Variants in NSG2 observed in about 807,000 individuals in gnomAD.
NSG2 encodes neuronal vesicle trafficking-associated protein 2.
In NSG2, 4 loss-of-function variants were observed where a neutral mutation model predicts 16.9. The observed-to-expected ratio is 0.24, with a 90% CI of 0.12 to 0.54. The LOEUF (loss-of-function observed/expected upper bound fraction) is 0.54. Ranked by LOEUF, NSG2 falls within the 20% of genes least tolerant of loss-of-function variation. The probability of loss-of-function intolerance (pLI) is 0.95; values close to 1 mark genes in which losing one functional copy is unlikely to be tolerated. For synonymous variants in NSG2, 98 were observed against 88.7 expected (o/e 1.11, Z -0.59); for missense variants, 179 against 221.1 (o/e 0.81, Z 1.21).
chr5:174,096,671 C>T (rs545900829), intron 3 of NSG2, among the ~76,000 whole-genome samples: 140 of 152,042 alleles, frequency 9.2e-4, no homozygotes, highest in Admixed American at 1.9e-3. Flanking sequence ...GGCTGCTGCA[C>T]CCAGGGGAGA....
chr5:174,070,975 C>T (rs1581225045), intron 3 of NSG2, among the ~76,000 whole-genome samples: 1 of 152,214 alleles, frequency 6.6e-6, no homozygotes, highest in Admixed American at 6.5e-5. Context: ...ACACCCTGAT[C>T]CAGCATTCAG....
chr5:174,101,834 G>A (rs1301504309), intron 3 of NSG2, among the ~76,000 whole-genome samples: 2 of 152,078 alleles, frequency 1.3e-5, no homozygotes, highest in Non-Finnish European at 2.9e-5. Flanking sequence ...GTCTTGGGTG[G>A]CCTCCTTTCC....
At chr5:174,065,431 A>T (rs1475065450) in intron 3 of NSG2, among the ~76,000 whole-genome samples, 1 of 152,184 alleles carries the variant, frequency 6.6e-6, no homozygotes, top group Non-Finnish European at 1.5e-5. Flanking sequence ...AGTTCCAAGC[A>T]TTGAAGGCTG....
At chr5:174,051,315 C>G (rs1759885348) in intron 2 of NSG2, among the ~76,000 whole-genome samples, 1 of 152,106 alleles carries the variant, frequency 6.6e-6, no homozygotes, top group African/African-American at 2.4e-5. Flanking sequence ...AAACCCTGCC[C>G]TAGAGTCTTG....
At chr5:174,082,821 C>G (rs1760507567) in intron 3 of NSG2, among the ~76,000 whole-genome samples, 1 of 152,148 alleles carries the variant, frequency 6.6e-6, no homozygotes, top group African/African-American at 2.4e-5. Flanking sequence ...ATTTTTAGAG[C>G]CCTTGACTGG....
At chr5:174,076,896 T>C (rs781648824) in intron 3 of NSG2, among the ~76,000 whole-genome samples, 3 of 152,188 alleles carry the variant, frequency 2.0e-5, no homozygotes, top group Non-Finnish European at 4.4e-5. Flanking sequence ...AACCTTGCTC[T>C]AGGATTTACC....
intron 3 of NSG2, 49 bp downstream of exon 3, chr5:174,064,364 C>T (rs1182024138): frequency 3.8e-6 from 5 of 1,311,490 alleles, no homozygotes; most frequent in Admixed American, 1.8e-5. Flanking sequence ...AGGCTGGCTC[C>T]AGCCAGCTCA....
intron 3 of NSG2, among the ~76,000 whole-genome samples, chr5:174,085,307 G>C (rs1760589602): frequency 6.6e-6 from 1 of 152,156 alleles, no homozygotes; most frequent in Admixed American, 6.5e-5. Flanking sequence ...TCAGAGAGGT[G>C]GCGTCGTGTA....
intron 2 of NSG2, among the ~76,000 whole-genome samples, chr5:174,058,120 G>T (rs1311181832): frequency 6.6e-6 from 1 of 152,218 alleles, no homozygotes; most frequent in Non-Finnish European, 1.5e-5. Flanking sequence ...TAATGCTGCT[G>T]TTATCTTCTA....
Position 174,107,285 on chromosome 5 carries a change from A to T in NSG2, c.325-29A>T. The T allele has an allele frequency of 6.6e-7, 1 of 1,512,932 alleles. No homozygotes were observed. Among genetic ancestry groups the T allele is most frequent in the East Asian group, 2.3e-5 (1 of 43,172 alleles). The allele number at this position is 1,512,932 out of a possible 1,614,324, so 93.7% of individuals were successfully genotyped here. On this transcript the variant is annotated intron_variant, in intron 4 of 4. Transcript: ENST00000303177. This position sits in a 1 kb window ranked among gnomAD's most constrained non-coding sequence, Gnocchi z 4.5. ...CAGGTTGGGAGCAGTTTGCTGAATG[A>T]CCCCTGACTCTGTCTCTTTCTTCCC...
At chr5:174,080,525 T>TTCCCTCTTTCTTTCTTTCTC (rs1554101512) in intron 3 of NSG2, among the ~76,000 whole-genome samples, 16 of 125,238 alleles carry the variant, frequency 1.3e-4, no homozygotes, top group African/African-American at 5.1e-4. Flanking sequence ...CTTTCTTTCT[T>TTCCCTCTTTCTTTCTTTCTC]TCTCTCTCTC....
At chr5:174,092,775 CT>C (rs961703275) in intron 3 of NSG2, among the ~76,000 whole-genome samples, 3 of 152,072 alleles carry the variant, frequency 2.0e-5, no homozygotes, top group African/African-American at 4.8e-5. Flanking sequence ...CAAGGCTTGT[CT>C]TGATTCTGAG....
intron 3 of NSG2, among the ~76,000 whole-genome samples, chr5:174,095,138 C>A (rs1581240623): frequency 6.6e-6 from 1 of 152,186 alleles, no homozygotes; most frequent in African/African-American, 2.4e-5. Context: ...GTTCATACGG[C>A]AGTCTTCCTG....
chr5:174,100,041 C>T (rs1464556272), intron 3 of NSG2, among the ~76,000 whole-genome samples: 2 of 152,230 alleles, frequency 1.3e-5, no homozygotes, highest in Non-Finnish European at 2.9e-5. Context: ...CAGAAGTTAC[C>T]AAAATTCAGG....
At chr5:174,091,638 A>T (rs1426870326) in intron 3 of NSG2, among the ~76,000 whole-genome samples, 2 of 141,012 alleles carry the variant, frequency 1.4e-5, no homozygotes, top group African/African-American at 5.3e-5. Context: ...TTCAGGAACT[A>T]GGACTGGTGT....
chr5:174,070,609 C>G (rs896454953), intron 3 of NSG2, among the ~76,000 whole-genome samples: 3 of 152,196 alleles, frequency 2.0e-5, no homozygotes, highest in Non-Finnish European at 2.9e-5. Context: ...TAAAACAAAA[C>G]CTCTGCCCTG....
intron 3 of NSG2, among the ~76,000 whole-genome samples, chr5:174,092,426 G>A (rs542958154): frequency 3.0e-4 from 45 of 152,334 alleles, no homozygotes; most frequent in Admixed American, 5.2e-4. Flanking sequence ...AAAGGGTGGG[G>A]CCCTTGGGCC....
intron 3 of NSG2, among the ~76,000 whole-genome samples, chr5:174,069,498 C>A (rs560226451): frequency 6.6e-6 from 1 of 152,132 alleles, no homozygotes; most frequent in African/African-American, 2.4e-5. Flanking sequence ...TTTGCCATAT[C>A]TTAGCTTCAT....
chr5:174,051,776 A>G (rs1487915071), intron 2 of NSG2, among the ~76,000 whole-genome samples: 1 of 152,250 alleles, frequency 6.6e-6, no homozygotes, highest in East Asian at 1.9e-4. Context: ...GAGAAGGGCT[A>G]TTAAGGAAAG....
Sources: gnomAD v4.1 joint callset for allele counts (sites outside exome capture counted in the v4.1 genomes callset) on GRCh38, gnomAD v4.1.1 for gene constraint, Gnocchi (gnomAD v3.1) non-coding constraint, MANE v1.5 for transcripts, NCBI Gene and HGNC (gene_info 2026-07-23, HGNC 2026-07-21) for gene names.